The following ABLIM2 variants were observed in gnomAD, a reference collection of about 807,000 sequenced individuals.
ABLIM2 encodes actin binding LIM protein family member 2, also known as actin-binding LIM protein 2.
A neutral mutation model predicts 97.7 loss-of-function variants in ABLIM2; 53 were observed. That is an observed-to-expected ratio of 0.54 (90% CI 0.44 to 0.68). The LOEUF is 0.68. Ranked by LOEUF, ABLIM2 falls within the 30% of genes least tolerant of loss-of-function variation. The pLI is 0.00. For missense variants in ABLIM2, 835 were observed against 867.2 expected (o/e 0.96, Z 0.47); for synonymous variants, 361 against 345.8 (o/e 1.04, Z -0.49).
chr4:7,997,477 T>C (rs1358063460), intron 16 of ABLIM2, among the ~76,000 whole-genome samples: 1 of 152,222 alleles, frequency 6.6e-6, no homozygotes, highest in African/African-American at 2.4e-5. Flanking sequence ...TCTGTTAATT[T>C]TTCCCCCTAT....
In ABLIM2 at chr4:8,156,856, G is replaced by A. The variant is rs1428629541; in HGVS notation, c.10+1824C>T. Among the ~76,000 whole-genome samples the A allele has an allele frequency of 2.6e-5, 4 of 152,252 alleles. No individual in the cohort carries two copies. In the East Asian group the frequency reaches 7.7e-4, roughly 29 times the overall value. On this transcript the variant is annotated intron_variant, in intron 1 of 20. Transcript: ENST00000447017. ...ACCATGCTGTCTGCTCTCCCCCACT[G>A]TGTGGGTGGAATGCCTGCTGTGCGC...
chr4:7,974,675 A>T (rs1308606628), intron 20 of ABLIM2, among the ~76,000 whole-genome samples: 1 of 151,240 alleles, frequency 6.6e-6, no homozygotes, highest in Admixed American at 6.6e-5. Flanking sequence ...CCATCCACCC[A>T]TCCATCCACC....
intron 10 of ABLIM2, among the ~76,000 whole-genome samples, chr4:8,030,985 G>A (rs1429742156): frequency 6.6e-6 from 1 of 152,228 alleles, no homozygotes; most frequent in African/African-American, 2.4e-5. Context: ...CTGTGTCTAT[G>A]GGGACAGGCT....
intron 1 of ABLIM2, among the ~76,000 whole-genome samples, chr4:8,146,505 C>T (rs376672451): frequency 2.0e-5 from 3 of 152,260 alleles, no homozygotes; most frequent in Non-Finnish European, 2.9e-5. Context: ...TGTCCTTTTG[C>T]GGTTTAACAC....
chr4:7,979,201 C>T (rs1416713821), intron 20 of ABLIM2, among the ~76,000 whole-genome samples: 2 of 152,216 alleles, frequency 1.3e-5, no homozygotes, highest in African/African-American at 4.8e-5. Context: ...CCACAAGCTG[C>T]CAGCTCCCCC....
intron 14 of ABLIM2, among the ~76,000 whole-genome samples, chr4:8,009,823 C>T (rs1027118415): frequency 2.6e-5 from 4 of 152,190 alleles, no homozygotes; most frequent in Non-Finnish European, 4.4e-5. Flanking sequence ...CGCCCACCCC[C>T]GCAGGAAGAA....
intron 8 of ABLIM2, among the ~76,000 whole-genome samples, chr4:8,045,487 A>G (rs1579652027): frequency 6.6e-6 from 1 of 152,152 alleles, no homozygotes. Context: ...TGTCTCTACT[A>G]AAAATACAAA....
In ABLIM2 at chr4:8,088,171, C is replaced by T. The variant is rs199520003; in HGVS notation, c.452G>A (p.Arg151Gln). ...GSSAHLSQGL[R>Q]SCGGCGTEIK... is the part of the protein sequence containing the mutation. The stretch of plus-strand genomic sequence containing the variant: ...GCCCCCACTCAGCGCCCACTTACTT[C>T]GGAGGCCCTGGGACAGGTGCGCGCT... The change falls in exon 4 of 21, where the codon CGA becomes CAA. Residue 151 changes from arginine (R) to glutamine (Q), a missense_variant and splice_region_variant. Arg to Gln is a conservative substitution (Grantham distance 43). Transcript: ENST00000447017. The T allele has an allele frequency of 2.3e-4, 364 of 1,572,894 alleles. 1 individual carries two copies. Among genetic ancestry groups the T allele is most frequent in the Admixed American group, 3.4e-4 (20 of 58,410 alleles).
At position 8,087,905 on chromosome 4, in the gene ABLIM2, A is replaced by AGCT. The variant is rs905931143; in HGVS notation, c.454+261_454+263dup. ...CACATTTATTCACAGCGTTCACTGC[A>AGCT]GCTGCTGCTGCTCTGGGTCCCCGTT... On this transcript the variant is annotated intron_variant, in intron 4 of 20. Coordinates refer to ENST00000447017, the MANE Select transcript of ABLIM2 (RefSeq NM_001130083.2). This position sits in a 1 kb window ranked among gnomAD's most constrained non-coding sequence, Gnocchi z 4.6. Among the ~76,000 whole-genome samples the AGCT allele has an allele frequency of 2.0e-5, 3 of 151,906 alleles. No homozygotes were observed. Among genetic ancestry groups the AGCT allele is most frequent in the Non-Finnish European group, 4.4e-5 (3 of 67,970 alleles).
intron 11 of ABLIM2, among the ~76,000 whole-genome samples, chr4:8,029,250 T>C (rs1398422665): frequency 6.6e-6 from 1 of 152,194 alleles, no homozygotes; most frequent in African/African-American, 2.4e-5. Flanking sequence ...CTTTCCCAGC[T>C]CACATCTTCC....
At chr4:8,096,825 T>A (rs1446356244) in intron 3 of ABLIM2, among the ~76,000 whole-genome samples, 1 of 152,048 alleles carries the variant, frequency 6.6e-6, no homozygotes, top group Admixed American at 6.5e-5. Context: ...GAGGACCCAG[T>A]CTCCGCAGCC....
At chr4:8,024,744 C>T (rs997456546) in intron 12 of ABLIM2, among the ~76,000 whole-genome samples, 8 of 152,328 alleles carry the variant, frequency 5.3e-5, no homozygotes, top group African/African-American at 1.4e-4. Flanking sequence ...CCAGAAGGAG[C>T]TTTGGGATCT....
At chr4:8,084,120 G>A (rs1821711449) in intron 4 of ABLIM2, among the ~76,000 whole-genome samples, 1 of 152,218 alleles carries the variant, frequency 6.6e-6, no homozygotes, top group Admixed American at 6.5e-5. Flanking sequence ...TCCAAAACTT[G>A]AGAGTGATTG....
chr4:8,101,170 G>A (rs1023627398), intron 2 of ABLIM2, among the ~76,000 whole-genome samples: 1 of 152,244 alleles, frequency 6.6e-6, no homozygotes, highest in Admixed American at 6.5e-5. Flanking sequence ...GCCTGAGTGA[G>A]CCTTAACCTG....
At position 8,044,873 on chromosome 4, in the gene ABLIM2, A is replaced by C. The variant is rs1431917569; in HGVS notation, c.900+291T>G. Reference sequence around the variant, plus strand: ...TCGGCTGTTGATGTGACGTGTCTGCACCACTATAAACAACAGCTGTGTACA... The same window carrying C: ...TCGGCTGTTGATGTGACGTGTCTGCCCCACTATAAACAACAGCTGTGTACA... On this transcript the variant is annotated intron_variant, in intron 9 of 20. Transcript: ENST00000447017. The surrounding 1 kb of genome is among the most constrained non-coding windows in gnomAD (Gnocchi z 4.4). Among the ~76,000 whole-genome samples, 3 of 152,180 alleles carry C rather than the reference A, an allele frequency of 2.0e-5. No homozygotes were observed. Among genetic ancestry groups the C allele is most frequent in the Admixed American group, 2.0e-4 (3 of 15,284 alleles).
Position 7,999,553 on chromosome 4 carries a change from G to C in ABLIM2, c.1619-6626C>G, listed in dbSNP as rs1049630702. 9.2e-5 allele frequency among the ~76,000 whole-genome samples: 14 copies of C among 152,248 alleles called. No individual in the cohort carries two copies. The highest frequency in any genetic ancestry group is 3.1e-4 in the African/African-American group (13 of 41,464). On this transcript the variant is annotated intron_variant, in intron 16 of 20. Coordinates refer to ENST00000447017, the MANE Select transcript of ABLIM2 (RefSeq NM_001130083.2). This position sits in a 1 kb window ranked among gnomAD's most constrained non-coding sequence, Gnocchi z 4.4. ...GAGGGCTCCCTAGCTTCAGGAACCA[G>C]TAACCCTATCTGCTCCCAAGCCAGT... is the stretch of plus-strand genomic sequence containing the variant.
At chr4:8,106,077 G>A (rs984079929) in intron 2 of ABLIM2, among the ~76,000 whole-genome samples, 4 of 152,298 alleles carry the variant, frequency 2.6e-5, no homozygotes, top group Admixed American at 6.5e-5. Context: ...GTGCTACTTC[G>A]GGTGGGGGTC....
intron 1 of ABLIM2, among the ~76,000 whole-genome samples, chr4:8,141,604 A>G: frequency 6.6e-6 from 1 of 152,178 alleles, no homozygotes; most frequent in East Asian, 1.9e-4. Context: ...CTAGTCTCAA[A>G]TTCCTGACCT....
At chr4:8,137,569 CG>C (rs940519134) in intron 1 of ABLIM2, among the ~76,000 whole-genome samples, 15 of 152,304 alleles carry the variant, frequency 9.8e-5, no homozygotes, top group African/African-American at 3.1e-4. Flanking sequence ...TCAGCCTGGC[CG>C]GGCACAGGCG....
Sources: allele counts gnomAD v4.1 joint callset (sites outside exome capture counted in the v4.1 genomes callset), GRCh38; gene constraint gnomAD v4.1.1; non-coding constraint Gnocchi (gnomAD v3.1); transcripts MANE v1.5; gene names NCBI Gene and HGNC (gene_info 2026-07-23, HGNC 2026-07-21).